Variants in WDR13 observed in about 807,000 individuals in gnomAD.
WDR13 encodes WD repeat domain 13.
A neutral mutation model predicts 28.6 loss-of-function variants in WDR13; 1 was observed. The ratio of observed to expected loss-of-function variants is 0.03; its 90% CI spans 0.01 to 0.17. The LOEUF (loss-of-function observed/expected upper bound fraction) is 0.17. Ranked by LOEUF, WDR13 falls within the 10% of genes least tolerant of loss-of-function variation. The pLI, the probability that WDR13 is intolerant of heterozygous loss-of-function variation, is 1.00. For missense variants in WDR13, 264 were observed against 469.3 expected (o/e 0.56, Z 4.04); for synonymous variants, 201 against 185.9 (o/e 1.08, Z -0.66).
At position 48,604,832 on chromosome X, in the gene WDR13, C is replaced by G. The variant is rs781951300; in HGVS notation, c.1274-16C>G. 2.5e-6 allele frequency: 3 copies of G among 1,196,797 alleles called. No homozygotes were observed. The highest frequency in any genetic ancestry group is 4.4e-5 in the Admixed American group (2 of 45,525). On this transcript the variant is annotated splice_polypyrimidine_tract_variant and intron_variant, in intron 9 of 9. Transcript: ENST00000376729. Reference sequence around the variant, plus strand: ...CCCAGGCGCCTCCCGATGGCCTCTCCCTCTCACCCCGACAGTGACGGGCAG... The same window carrying G: ...CCCAGGCGCCTCCCGATGGCCTCTCGCTCTCACCCCGACAGTGACGGGCAG...
chrX:48,604,244 G>A (rs1556995409), intron 8 of WDR13, 28 bp from the exon 9 acceptor site: 1 of 1,192,950 alleles, frequency 8.4e-7, no homozygotes. Context: ...CTGGGGCTGT[G>A]TTTTGACCCA....
rs1259531355 is a variant in WDR13 at position 48,600,925 on chromosome X, C to A, written c.831+299C>A. ...CCTGGCTAACACGGTGAAACCCCAT[C>A]TCTACTAAAAATACAAAAAATTAGC... On this transcript the variant is annotated intron_variant, in intron 6 of 9. Coordinates refer to ENST00000376729, the MANE Select transcript of WDR13 (RefSeq NM_001347217.2). 6.0e-5 allele frequency among the ~76,000 whole-genome samples: 4 copies of A among 66,733 alleles called. No homozygotes were observed. In the East Asian group the frequency reaches 2.3e-3, roughly 38 times the overall value. 57.9% of individuals were successfully genotyped at this position (66,733 alleles called of 115,157 possible).
chrX:48,607,407 G>A lies in WDR13; in HGVS notation c.*2375G>A, dbSNP rs917199803. ...GGGGGGGGGGGGGTCTTGCTCTGAC[G>A]CCCAGGCTGGAATGCAGTGGCATGA... On this transcript the variant is annotated 3_prime_UTR_variant, in exon 10 of 10. Transcript: ENST00000376729. 2.7e-5 allele frequency: 2 copies of A among 75,298 alleles called. No individual in the cohort carries two copies. The highest frequency in any genetic ancestry group is 4.0e-4 in the Admixed American group (2 of 4,941). 6.2% of individuals were successfully genotyped at this position (75,298 alleles called of 1,213,427 possible).
At chrX:48,604,749 C>T (rs2062210877) in intron 9 of WDR13, 99 bp from the exon 10 acceptor site, 2 of 991,522 alleles carry the variant, frequency 2.0e-6, no homozygotes, top group Admixed American at 3.0e-5. Context: ...GGACCTCACA[C>T]CTCGGACATA....
chrX:48,606,769 G>A lies in WDR13; in HGVS notation c.*1737G>A, dbSNP rs1290738523. 2 of 112,015 alleles carry A rather than the reference G, an allele frequency of 1.8e-5. No individual in the cohort carries two copies. The highest frequency in any genetic ancestry group is 3.8e-5 in the Non-Finnish European group (2 of 53,189). The allele number at this position is 112,015 out of a possible 1,213,427, so 9.2% of individuals were successfully genotyped here. ...CCACATATGCGTTGACTGGAACTGC[G>A]ACTGACATCTTGGGACCTTAGGGTC... is the stretch of plus-strand genomic sequence containing the variant. On this transcript the variant is annotated 3_prime_UTR_variant, in exon 10 of 10. Transcript: ENST00000376729.
In WDR13 at chrX:48,604,963, C is replaced by T. The variant is rs1423386867; in HGVS notation, c.1389C>T (p.Cys463=). 2.5e-6 allele frequency: 3 copies of T among 1,211,446 alleles called. No individual in the cohort carries two copies. The highest frequency in any genetic ancestry group is 3.4e-6 in the Non-Finnish European group (3 of 895,144). Residue 463 remains cysteine (C), a synonymous_variant, in exon 10 of 10, where the codon TGC becomes TGT. Coordinates refer to ENST00000376729, the MANE Select transcript of WDR13 (RefSeq NM_001347217.2). ...CTGTGCTTGATGTCAGCTTCAACTG[C>T]GACGAGAGCCTACTGGCCTCCAGTG... The part of the protein sequence containing the change: ...SAPVLDVSFN[C]DESLLASSDA...
In WDR13 at chrX:48,598,153, G is replaced by A. The variant is rs1345866936; in HGVS notation, c.41+116G>A. The A allele has an allele frequency of 7.9e-6, 9 of 1,141,149 alleles. No homozygotes were observed. The African/African-American group carries it at 1.1e-4, about 14-fold the overall frequency. The allele number at this position is 1,141,149 out of a possible 1,213,427, so 94.0% of individuals were successfully genotyped here. On this transcript the variant is annotated intron_variant, in intron 2 of 9. Coordinates refer to ENST00000376729, the MANE Select transcript of WDR13 (RefSeq NM_001347217.2). ...ATGCGGCTGCGTGGGCATGCCGGAG[G>A]TGAGCATGCGCAGTAGCGGGGGCGG...
Position 48,599,806 on chromosome X carries a change from C to T in WDR13, c.523+89C>T, listed in dbSNP as rs188668802. On this transcript the variant is annotated intron_variant, in intron 5 of 9. Coordinates refer to ENST00000376729, the MANE Select transcript of WDR13 (RefSeq NM_001347217.2). ...GCATCCTTTTCTGAATCCAAGGCCC[C>T]TGGCACACTCCAAAGGAGGAATGAC... The T allele has an allele frequency of 2.6e-6, 3 of 1,139,092 alleles. 1 individual carries two copies. Among genetic ancestry groups the T allele is most frequent in the South Asian group, 3.9e-5 (2 of 51,342 alleles). The allele number at this position is 1,139,092 out of a possible 1,213,427, so 93.9% of individuals were successfully genotyped here.
In WDR13 at chrX:48,608,352, G is replaced by C. The variant is rs1168115508; in HGVS notation, c.*3320G>C. 9.0e-6 allele frequency: 1 copy of C among 111,249 alleles called. No homozygotes were observed. The highest frequency in any genetic ancestry group is 1.9e-5 in the Non-Finnish European group (1 of 53,199). 9.2% of individuals were successfully genotyped at this position (111,249 alleles called of 1,213,427 possible). A position where few individuals can be genotyped will look rare whatever the true frequency, so the allele number is the denominator to read the frequency against. ...GCTGGCCTTGAACTCCTGGGCTCAA[G>C]TGATCCTCTCACCTTGGCCTACCAA... On this transcript the variant is annotated 3_prime_UTR_variant, in exon 10 of 10. Transcript: ENST00000376729.
chrX:48,598,422 T>A lies in WDR13; in HGVS notation c.42-295T>A, dbSNP rs1556993344. ...AATGTCAGTCTGATTTCTGTCGCCC[T>A]GGTATACTGACCCTAATTATTGTCT... On this transcript the variant is annotated intron_variant, in intron 2 of 9. Transcript: ENST00000376729. 4.9e-6 allele frequency: 5 copies of A among 1,010,682 alleles called. No individual in the cohort carries two copies. In the East Asian group the frequency reaches 1.7e-4, roughly 34 times the overall value. The allele number at this position is 1,010,682 out of a possible 1,213,427, so 83.3% of individuals were successfully genotyped here. A position where few individuals can be genotyped will look rare whatever the true frequency, so the allele number is the denominator to read the frequency against.
chrX:48,597,770 T>G, intron 1 of WDR13, 156 bp downstream of exon 1: 1 of 454,706 alleles, frequency 2.2e-6, no homozygotes, highest in South Asian at 4.3e-5. Flanking sequence ...TCTGAATCGC[T>G]GTGTGTCACC....
At chrX:48,600,228 C>T (rs1207087919) in intron 5 of WDR13, 91 bp from the exon 6 acceptor site, 4 of 1,045,796 alleles carry the variant, frequency 3.8e-6, no homozygotes, top group Non-Finnish European at 5.1e-6. Context: ...GCAGTGGGGC[C>T]CCAGCCCCAG....
At chrX:48,604,170 A>C (rs1300296178) in intron 8 of WDR13, 102 bp from the exon 9 acceptor site, 2 of 694,950 alleles carry the variant, frequency 2.9e-6, no homozygotes, top group African/African-American at 4.4e-5. Flanking sequence ...GGTTTCATGA[A>C]CCCTGTAAAG....
At position 48,599,077 on chromosome X, in the gene WDR13, G is replaced by A. The variant is rs1377228355; in HGVS notation, c.282+120G>A. 44 of 1,012,298 alleles carry A rather than the reference G, an allele frequency of 4.3e-5. No homozygotes were observed. The East Asian group carries it at 1.4e-3, about 32-fold the overall frequency. The allele number at this position is 1,012,298 out of a possible 1,213,427, so 83.4% of individuals were successfully genotyped here. On this transcript the variant is annotated intron_variant, in intron 3 of 9. Coordinates refer to ENST00000376729, the MANE Select transcript of WDR13 (RefSeq NM_001347217.2). The stretch of plus-strand genomic sequence containing the variant: ...GTTCTGCATCAGCAGAGGACAAAAA[G>A]ATAATATGCCAAGTAAACCAGTAAA...
At chrX:48,600,049 C>A (rs1556993942) in intron 5 of WDR13, 1 of 415,423 alleles carries the variant, frequency 2.4e-6, no homozygotes, top group Admixed American at 4.8e-5. Context: ...TTGCCAAGAC[C>A]TTGATTATAA....
At position 48,597,706 on chromosome X, in the gene WDR13, A is replaced by C. The variant is rs2062151973; in HGVS notation, c.-40+92A>C. 2.5e-5 allele frequency: 8 copies of C among 318,233 alleles called. No individual in the cohort carries two copies. In the East Asian group the frequency reaches 2.9e-4, roughly 11 times the overall value. 26.2% of individuals were successfully genotyped at this position (318,233 alleles called of 1,213,427 possible). A position where few individuals can be genotyped will look rare whatever the true frequency, so the allele number is the denominator to read the frequency against. Reference sequence around the variant, plus strand: ...ATGGGTGGAGAATGTCAAGCAAGGAATGCTAGGCGGGGGAGGGGCGTTGCT... The same window carrying C: ...ATGGGTGGAGAATGTCAAGCAAGGACTGCTAGGCGGGGGAGGGGCGTTGCT... On this transcript the variant is annotated intron_variant, in intron 1 of 9. Coordinates refer to ENST00000376729, the MANE Select transcript of WDR13 (RefSeq NM_001347217.2).
chrX:48,604,743 C>A, intron 9 of WDR13, 105 bp from the exon 10 acceptor site: 1 of 958,009 alleles, frequency 1.0e-6, no homozygotes, highest in Non-Finnish European at 1.4e-6. Flanking sequence ...ATGCTAGGAC[C>A]TCACACCTCG....
At position 48,601,967 on chromosome X, in the gene WDR13, A is replaced by G; in HGVS notation, c.1012+3A>G. On this transcript the variant is annotated splice_donor_region_variant and intron_variant, in intron 7 of 9. Coordinates refer to ENST00000376729, the MANE Select transcript of WDR13 (RefSeq NM_001347217.2). ...TTTCCTCTTTGATATGGCCACAGGT[A>G]GGCAGACAGCAGGCCTGCATCTGGG... 8.4e-7 allele frequency: 1 copy of G among 1,191,379 alleles called. No homozygotes were observed. Among genetic ancestry groups the G allele is most frequent in the Non-Finnish European group, 1.1e-6 (1 of 882,039 alleles).
chrX:48,599,444 G>A lies in WDR13; in HGVS notation c.374G>A (p.Arg125His), dbSNP rs993081877. 3.3e-6 allele frequency: 4 copies of A among 1,208,821 alleles called. No homozygotes were observed. Among genetic ancestry groups the A allele is most frequent in the Non-Finnish European group, 3.4e-6 (3 of 894,010 alleles). ...GSYQLQAQMNRAVYEDRPPGS... is the reference protein window; with the variant it reads ...GSYQLQAQMNHAVYEDRPPGS... Reference sequence around the variant, plus strand: ...TACCAGCTGCAGGCGCAGATGAACCGTGCCGTCTATGAGGACAGGTATGCA... The same window carrying A: ...TACCAGCTGCAGGCGCAGATGAACCATGCCGTCTATGAGGACAGGTATGCA... Residue 125 changes from arginine to histidine, a missense_variant, in exon 4 of 10, where the codon CGT (arginine) becomes CAT (histidine). By Grantham distance (29) the Arg-to-His change is conservative. Transcript: ENST00000376729.
Sources: allele counts gnomAD v4.1 joint callset (sites outside exome capture counted in the v4.1 genomes callset), GRCh38; gene constraint gnomAD v4.1.1; transcripts MANE v1.5; gene names NCBI Gene and HGNC (gene_info 2026-07-23, HGNC 2026-07-21).